DCDC1: variants seen among roughly 807,000 people sequenced by gnomAD.
DCDC1 encodes doublecortin domain containing 1.
Under a neutral mutation model 178.3 loss-of-function variants are expected in DCDC1, and 200 were observed. That is an observed-to-expected ratio of 1.12 (90% CI 1.00 to 1.26). The LOEUF is 1.26. Among genes scored for constraint, DCDC1 ranks in the 50% most tolerant of loss-of-function variants. The pLI is 0.00. For missense variants in DCDC1, 1,983 were observed against 1,749.2 expected, an observed-to-expected ratio of 1.13 and a Z score of -2.38; for synonymous variants, 690 against 604.8, an observed-to-expected ratio of 1.14 and a Z score of -2.07.
In DCDC1 at chr11:30,908,995, G is replaced by C. The variant is rs373930322; in HGVS notation, c.3869C>G (p.Ala1290Gly). 3.7e-6 allele frequency: 6 copies of C among 1,610,022 alleles called. No individual in the cohort carries two copies. In the South Asian group the frequency reaches 4.4e-5, roughly 12 times the overall value. Residue 1290 changes from alanine to glycine, a missense_variant, in exon 29 of 39, where the codon GCT becomes GGT. Transcript: ENST00000684477. ...LDKEITSANY[A>G]GVCTSSVIKE... ...AATCACAGATGATGTACAGACACCA[G>C]CATAATTTGCTGATGTAATTTCCTT...
At chr11:30,865,610 G>A in intron 38 of DCDC1, among the ~76,000 whole-genome samples, 1 of 152,262 alleles carries the variant, frequency 6.6e-6, no homozygotes, top group South Asian at 2.1e-4. Flanking sequence ...TACTAAGACT[G>A]ACCGGAAATC....
chr11:31,285,514 T>C (rs544149625), intron 7 of DCDC1, among the ~76,000 whole-genome samples: 3 of 152,296 alleles, frequency 2.0e-5, no homozygotes, highest in African/African-American at 7.2e-5. Context: ...TCTGCTGCCA[T>C]AGTTACTAAT....
chr11:31,077,712 T>C (rs1385752711), intron 18 of DCDC1, among the ~76,000 whole-genome samples, 153 bp downstream of exon 18: 1 of 152,112 alleles, frequency 6.6e-6, no homozygotes, highest in Non-Finnish European at 1.5e-5. Context: ...AAGGAAAGTA[T>C]TGAGTTAAGT....
chr11:31,147,727 G>T (rs533336911), intron 9 of DCDC1, among the ~76,000 whole-genome samples: 9 of 152,254 alleles, frequency 5.9e-5, no homozygotes, highest in South Asian at 4.2e-4. Flanking sequence ...TGCAATCAAT[G>T]GGAGCTGATC....
At chr11:31,266,833 T>C (rs1281896314) in intron 7 of DCDC1, among the ~76,000 whole-genome samples, 1 of 152,248 alleles carries the variant, frequency 6.6e-6, no homozygotes, top group Non-Finnish European at 1.5e-5. Flanking sequence ...AAGTTGCACT[T>C]TCCTTTCAGC....
chr11:31,187,353 C>A (rs1032310596), intron 9 of DCDC1, among the ~76,000 whole-genome samples: 2 of 152,130 alleles, frequency 1.3e-5, no homozygotes, highest in East Asian at 1.9e-4. Context: ...AGCATAATAC[C>A]TAGCATACAG....
intron 9 of DCDC1, among the ~76,000 whole-genome samples, chr11:31,190,984 T>C (rs1970067992): frequency 6.6e-6 from 1 of 152,138 alleles, no homozygotes; most frequent in Non-Finnish European, 1.5e-5. Flanking sequence ...AAGTTCTTTA[T>C]ATCAATGGTG....
rs371550932 is a variant in DCDC1, at chr11:31,244,220, T to C, written c.1055-2604A>G. On this transcript the variant is annotated intron_variant, in intron 8 of 38. Transcript: ENST00000684477. ...CCTAAAACATACTTTTAAAATATTA[T>C]TGAATAATTGATTTTTTAAAAAAGA... 5.3e-5 allele frequency among the ~76,000 whole-genome samples: 8 copies of C among 151,752 alleles called. No individual in the cohort carries two copies. In the South Asian group the frequency reaches 1.0e-3, roughly 20 times the overall value.
At chr11:31,180,583 C>A (rs945626086) in intron 9 of DCDC1, among the ~76,000 whole-genome samples, 1 of 151,978 alleles carries the variant, frequency 6.6e-6, no homozygotes, top group South Asian at 2.1e-4. Context: ...TTGCCTCAGC[C>A]GGGAAGCACA....
At chr11:31,091,888 A>G (rs1387953299) in intron 16 of DCDC1, among the ~76,000 whole-genome samples, 2 of 152,206 alleles carry the variant, frequency 1.3e-5, no homozygotes, top group East Asian at 3.8e-4. Flanking sequence ...CAGTGAACTG[A>G]AAAGACTGAA....
Position 31,269,384 on chromosome 11 carries a change from CT to C in DCDC1, c.961-3785del, listed in dbSNP as rs11370444. Among the ~76,000 whole-genome samples, 13 of 148,914 alleles carry C rather than the reference CT, an allele frequency of 8.7e-5. No individual in the cohort carries two copies. The East Asian group carries it at 9.9e-4, about 11-fold the overall frequency. On this transcript the variant is annotated intron_variant, in intron 7 of 38. Coordinates refer to ENST00000684477, the MANE Select transcript of DCDC1 (RefSeq NM_001387274.1). ...TTACACATTCACATTTTGTTAATTCCTTTTTTTTTTCTTTTTGAGACAGAGT... is the reference window on the plus strand; with the variant it reads ...TTACACATTCACATTTTGTTAATTCCTTTTTTTTTCTTTTTGAGACAGAGT...
intron 11 of DCDC1, among the ~76,000 whole-genome samples, chr11:31,126,887 G>A (rs1181606221): frequency 1.3e-5 from 2 of 152,184 alleles, no homozygotes; most frequent in African/African-American, 4.8e-5. Flanking sequence ...TCTCAAAGAT[G>A]CAATAGCAAA....
chr11:30,947,176 C>T (rs901119655), intron 21 of DCDC1, among the ~76,000 whole-genome samples: 1 of 151,638 alleles, frequency 6.6e-6, no homozygotes, highest in African/African-American at 2.4e-5. Context: ...AAATAAGATG[C>T]AAAAATGCAT....
chr11:31,310,378 G>A (rs1228855284), intron 3 of DCDC1, among the ~76,000 whole-genome samples: 2 of 140,032 alleles, frequency 1.4e-5, no homozygotes, highest in Non-Finnish European at 3.0e-5. Context: ...GAGTGCAGTG[G>A]CGCAATCTCA....
chr11:31,174,697 G>T (rs528883336), intron 9 of DCDC1, among the ~76,000 whole-genome samples: 1 of 152,264 alleles, frequency 6.6e-6, no homozygotes. Context: ...CCCCTCTGAA[G>T]CCCATTAAAA....
chr11:31,063,651 G>A (rs1192140520), intron 20 of DCDC1, among the ~76,000 whole-genome samples: 1 of 152,064 alleles, frequency 6.6e-6, no homozygotes, highest in Non-Finnish European at 1.5e-5. Flanking sequence ...GAGCGAAGTG[G>A]GAGGATTGCT....
chr11:31,200,796 T>C (rs1384836625), intron 9 of DCDC1, among the ~76,000 whole-genome samples: 1 of 152,058 alleles, frequency 6.6e-6, no homozygotes, highest in Non-Finnish European at 1.5e-5. Flanking sequence ...TACTAATAAC[T>C]AACCTATATT....
chr11:30,891,384 C>T (rs951893273), intron 36 of DCDC1, among the ~76,000 whole-genome samples: 1 of 152,024 alleles, frequency 6.6e-6, no homozygotes, highest in African/African-American at 2.4e-5. Flanking sequence ...AAGTCATCCC[C>T]CAGTTAGATA....
chr11:30,877,980 C>G (rs1942294124), intron 38 of DCDC1, among the ~76,000 whole-genome samples: 1 of 151,992 alleles, frequency 6.6e-6, no homozygotes, highest in Admixed American at 6.6e-5. Flanking sequence ...TTTACATAAG[C>G]TATTTGATCC....
Sources: gnomAD v4.1 joint callset for allele counts (sites outside exome capture counted in the v4.1 genomes callset) on GRCh38, gnomAD v4.1.1 for gene constraint, MANE v1.5 for transcripts, NCBI Gene and HGNC (gene_info 2026-07-23, HGNC 2026-07-21) for gene names.